The following ERBB4 variants were observed in gnomAD, a reference collection of about 807,000 sequenced individuals.
ERBB4 encodes the protein receptor tyrosine-protein kinase erbB-4.
In ERBB4, 42 loss-of-function variants were observed where a neutral mutation model predicts 158.0. The observed-to-expected ratio is 0.27, with a 90% CI of 0.21 to 0.34. The LOEUF (loss-of-function observed/expected upper bound fraction) is 0.34, where lower values mean the gene tolerates loss of function less well. Among genes scored for constraint, ERBB4 ranks in the 10% least tolerant of loss-of-function variants. The pLI is 1.00. For synonymous variants in ERBB4, 583 were observed against 558.7 expected, an observed-to-expected ratio of 1.04 and a Z score of -0.61; for missense variants, 1,333 against 1,624.1, an observed-to-expected ratio of 0.82 and a Z score of 3.08.
chr2:211,896,519 T>G (rs977125163), intron 3 of ERBB4, among the ~76,000 whole-genome samples: 1 of 152,138 alleles, frequency 6.6e-6, no homozygotes, highest in African/African-American at 2.4e-5. Context: ...TTTATTACTA[T>G]AGTAGGTTTC....
At chr2:211,463,336 T>A (rs1360719948) in intron 20 of ERBB4, among the ~76,000 whole-genome samples, 1 of 152,170 alleles carries the variant, frequency 6.6e-6, no homozygotes, top group East Asian at 1.9e-4. Context: ...GAAGGCTAAT[T>A]TAATATTGCT....
At chr2:211,466,939 G>T (rs910083866) in intron 20 of ERBB4, among the ~76,000 whole-genome samples, 1 of 151,992 alleles carries the variant, frequency 6.6e-6, no homozygotes, top group South Asian at 2.1e-4. Context: ...TACGTGGTAA[G>T]TGGCAATATT....
At chr2:212,022,897 T>C (rs1158987149) in intron 2 of ERBB4, among the ~76,000 whole-genome samples, 1 of 152,166 alleles carries the variant, frequency 6.6e-6, no homozygotes, top group African/African-American at 2.4e-5. Context: ...TGCAATTAGA[T>C]GACACTTCTT....
At chr2:212,534,129 T>C (rs1692904907) in intron 1 of ERBB4, among the ~76,000 whole-genome samples, 1 of 152,222 alleles carries the variant, frequency 6.6e-6, no homozygotes, top group African/African-American at 2.4e-5. Flanking sequence ...TATGGCTATT[T>C]TTAAGAACAT....
intron 3 of ERBB4, among the ~76,000 whole-genome samples, chr2:211,806,114 G>T (rs2076607818): frequency 1.3e-5 from 2 of 151,948 alleles, no homozygotes; most frequent in African/African-American, 2.4e-5. Flanking sequence ...CCATAATTAT[G>T]CAGAAAAAGA....
chr2:212,231,196 T>A (rs765349355), intron 1 of ERBB4, among the ~76,000 whole-genome samples: 18 of 152,098 alleles, frequency 1.2e-4, no homozygotes, highest in Non-Finnish European at 1.8e-4. Context: ...AGATATTTCA[T>A]TACAGACATG....
chr2:212,451,641 A>C (rs2106024326), intron 1 of ERBB4, among the ~76,000 whole-genome samples: 1 of 152,350 alleles, frequency 6.6e-6, no homozygotes, highest in South Asian at 2.1e-4. Flanking sequence ...TAATAACCTA[A>C]CAGTGCTACA....
At position 211,516,011 on chromosome 2, in the gene ERBB4, T is replaced by TTCACGCCA. The variant is rs531107091; in HGVS notation, c.2487+45884_2487+45891dup. Among the ~76,000 whole-genome samples the TTCACGCCA allele has an allele frequency of 6.1e-4, 90 of 147,322 alleles. 2 individuals are homozygous for TTCACGCCA. In the East Asian group the frequency reaches 0.015, roughly 24 times the overall value. On this transcript the variant is annotated intron_variant, in intron 20 of 27. Transcript: ENST00000342788. ...CTCACTGCAAGCTCTGCCTCCCAGG[T>TTCACGCCA]TCACGCCATTCTCCTGCCTCAGCCT...
intron 2 of ERBB4, among the ~76,000 whole-genome samples, chr2:212,113,914 A>C (rs532168001): frequency 1.3e-5 from 2 of 152,328 alleles, no homozygotes; most frequent in South Asian, 4.1e-4. Context: ...TGGAAAAGTA[A>C]GTAATGTAAA....
intron 2 of ERBB4, among the ~76,000 whole-genome samples, chr2:212,020,252 T>C (rs1345310109): frequency 6.6e-6 from 1 of 152,074 alleles, no homozygotes; most frequent in African/African-American, 2.4e-5. Context: ...TTAACAATCC[T>C]ACGCTTCATC....
At position 212,161,208 on chromosome 2, in the gene ERBB4, T is replaced by C. The variant is rs112904922; in HGVS notation, c.83-36305A>G. On this transcript the variant is annotated intron_variant, in intron 1 of 27. Transcript: ENST00000342788. ...TTGAGATCAGATCAAAATATATCTG[T>C]ACAGTCTCTTTCACTCATCTATCCT... Among the ~76,000 whole-genome samples, 1,007 of 152,020 alleles carry C rather than the reference T, an allele frequency of 6.6e-3. 7 individuals are homozygous for C. Among genetic ancestry groups the C allele is most frequent in the Middle Eastern group, 0.024 (7 of 294 alleles).
At chr2:211,955,886 A>G (rs958701313) in intron 2 of ERBB4, among the ~76,000 whole-genome samples, 4 of 152,114 alleles carry the variant, frequency 2.6e-5, no homozygotes, top group Non-Finnish European at 5.9e-5. Flanking sequence ...GCTAAATTTA[A>G]TTTGTCTAAA....
intron 2 of ERBB4, among the ~76,000 whole-genome samples, chr2:212,041,342 T>C (rs1398489944): frequency 6.8e-6 from 1 of 148,122 alleles, no homozygotes; most frequent in Non-Finnish European, 1.5e-5. Context: ...AGCTAATGAG[T>C]ATAAAAAAAA....
intron 1 of ERBB4, among the ~76,000 whole-genome samples, chr2:212,233,322 A>T (rs1251625904): frequency 1.3e-5 from 2 of 152,152 alleles, no homozygotes; most frequent in African/African-American, 4.8e-5. Flanking sequence ...GTGGTGAGGT[A>T]GGTAGGAGCA....
chr2:212,101,905 T>TG (rs1173151983), intron 2 of ERBB4, among the ~76,000 whole-genome samples: 5 of 151,352 alleles, frequency 3.3e-5, no homozygotes, highest in African/African-American at 4.8e-5. Flanking sequence ...ACGTTTTGCT[T>TG]GGGGGGGTAC....
chr2:211,879,461 C>T (rs2068401), intron 3 of ERBB4, among the ~76,000 whole-genome samples: 86,658 of 152,096 alleles, frequency 0.57, 25,364 homozygotes, highest in African/African-American at 0.67. Context: ...TATCCTATGT[C>T]TTCATCTATT....
chr2:211,747,011 G>A (rs1446359412), intron 5 of ERBB4, among the ~76,000 whole-genome samples: 2 of 152,006 alleles, frequency 1.3e-5, no homozygotes, highest in Admixed American at 1.3e-4. Context: ...ATTCTTTAGT[G>A]ACTTTGGGGA....
intron 16 of ERBB4, among the ~76,000 whole-genome samples, chr2:211,641,021 A>G (rs1221278535): frequency 6.6e-6 from 1 of 152,112 alleles, no homozygotes; most frequent in Admixed American, 6.6e-5. Context: ...GCTAAAGGGT[A>G]TCCAAAATCT....
intron 2 of ERBB4, among the ~76,000 whole-genome samples, chr2:212,014,961 G>A (rs2076473978): frequency 6.8e-6 from 1 of 147,786 alleles, no homozygotes; most frequent in African/African-American, 2.5e-5. Context: ...GGGAGGCGAA[G>A]GCGGATGGAT....
Sources: gnomAD v4.1 joint callset for allele counts (sites outside exome capture counted in the v4.1 genomes callset) on GRCh38, gnomAD v4.1.1 for gene constraint, MANE v1.5 for transcripts, NCBI Gene and HGNC (gene_info 2026-07-23, HGNC 2026-07-21) for gene names.